The following NCAM1 variants were observed in gnomAD, a reference collection of about 807,000 sequenced individuals.
The protein encoded by NCAM1 is neural cell adhesion molecule 1.
In NCAM1, 14 loss-of-function variants were observed where a neutral mutation model predicts 109.8. The ratio of observed to expected loss-of-function variants is 0.13; its 90% CI spans 0.08 to 0.20. The LOEUF is 0.20. Ranked by LOEUF, NCAM1 falls within the 10% of genes least tolerant of loss-of-function variation. The pLI is 1.00. For synonymous variants in NCAM1, 418 were observed against 442.9 expected, an observed-to-expected ratio of 0.94 and a Z score of 0.70; for missense variants, 774 against 1,109.9, an observed-to-expected ratio of 0.70 and a Z score of 4.30.
chr11:113,005,904 CCCCT>C (rs1951884020), intron 1 of NCAM1, among the ~76,000 whole-genome samples: 1 of 151,836 alleles, frequency 6.6e-6, no homozygotes, highest in African/African-American at 2.4e-5. Flanking sequence ...GATTTTTTTT[CCCCT>C]TGAAACTGTT....
intron 1 of NCAM1, among the ~76,000 whole-genome samples, chr11:113,117,913 G>A (rs1245081): frequency 0.035 from 5,254 of 151,974 alleles, 182 homozygotes; most frequent in East Asian, 0.085. Context: ...TTACAAACTG[G>A]CATCTCAGGC....
chr11:113,180,230 G>A (rs1555107738), intron 1 of NCAM1, among the ~76,000 whole-genome samples: 1 of 152,222 alleles, frequency 6.6e-6, no homozygotes, highest in African/African-American at 2.4e-5. Context: ...AGGTTGCAGA[G>A]AACAGTGAGA....
At chr11:113,262,190 C>T (rs1555123508) in intron 17 of NCAM1, among the ~76,000 whole-genome samples, 2 of 152,126 alleles carry the variant, frequency 1.3e-5, no homozygotes, top group Non-Finnish European at 2.9e-5. Context: ...GAAGGTGAAG[C>T]GGGGTACAGA....
At chr11:113,036,667 C>A (rs1282958298) in intron 1 of NCAM1, among the ~76,000 whole-genome samples, 1 of 152,100 alleles carries the variant, frequency 6.6e-6, no homozygotes, top group Non-Finnish European at 1.5e-5. Flanking sequence ...CCTTCTGGAA[C>A]CCTCTTTCCT....
At chr11:113,124,437 T>G (rs924978172) in intron 1 of NCAM1, among the ~76,000 whole-genome samples, 12 of 152,196 alleles carry the variant, frequency 7.9e-5, no homozygotes, top group Non-Finnish European at 1.3e-4. Flanking sequence ...GAAACAGATC[T>G]CCACCTCTCT....
At chr11:113,050,635 C>T (rs1270437075) in intron 1 of NCAM1, among the ~76,000 whole-genome samples, 1 of 143,656 alleles carries the variant, frequency 7.0e-6, no homozygotes, top group African/African-American at 2.6e-5. Flanking sequence ...AAAAAAAATA[C>T]ACAAAATTCA....
intron 1 of NCAM1, among the ~76,000 whole-genome samples, chr11:113,106,391 C>T (rs1354346049): frequency 6.6e-6 from 1 of 152,168 alleles, no homozygotes; most frequent in Non-Finnish European, 1.5e-5. Flanking sequence ...TCTGGGGAGT[C>T]TAACAGTTGA....
chr11:113,214,775 G>T (rs912604221), intron 8 of NCAM1, among the ~76,000 whole-genome samples: 8 of 152,168 alleles, frequency 5.3e-5, no homozygotes, highest in Admixed American at 3.3e-4. Flanking sequence ...TGGGGAGGAG[G>T]CAATGGTGAT....
intron 1 of NCAM1, among the ~76,000 whole-genome samples, chr11:112,976,102 C>G (rs1349443118): frequency 6.6e-6 from 1 of 151,722 alleles, no homozygotes; most frequent in Non-Finnish European, 1.5e-5. Flanking sequence ...ACAAACAAAC[C>G]CCAGTTAAAG....
chr11:113,191,991 T>C (rs980604767), intron 1 of NCAM1, among the ~76,000 whole-genome samples: 3 of 152,226 alleles, frequency 2.0e-5, no homozygotes, highest in Non-Finnish European at 4.4e-5. Flanking sequence ...ATTCTCTGAA[T>C]TTCTATTTTC....
chr11:113,199,584 T>G (rs1943969777), intron 1 of NCAM1, among the ~76,000 whole-genome samples: 1 of 134,086 alleles, frequency 7.5e-6, no homozygotes, highest in Admixed American at 8.2e-5. Context: ...ACTCTTCCTT[T>G]AAAAACTTCT....
intron 1 of NCAM1, among the ~76,000 whole-genome samples, chr11:113,042,590 A>G (rs1170625283): frequency 6.6e-6 from 1 of 152,186 alleles, no homozygotes; most frequent in African/African-American, 2.4e-5. Flanking sequence ...TCTGCACTGC[A>G]GCCCACACTT....
intron 9 of NCAM1, among the ~76,000 whole-genome samples, chr11:113,227,849 C>A (rs569264759): frequency 2.0e-5 from 3 of 152,100 alleles, no homozygotes; most frequent in East Asian, 1.9e-4. Context: ...ATTATCTCAA[C>A]AGATGCAGAA....
At chr11:113,106,750 T>G (rs1940189389) in intron 1 of NCAM1, among the ~76,000 whole-genome samples, 1 of 152,202 alleles carries the variant, frequency 6.6e-6, no homozygotes, top group African/African-American at 2.4e-5. Context: ...CAGGAGAAAT[T>G]ATTCAGAAGA....
intron 1 of NCAM1, chr11:113,133,513 GA>G (rs1941488091): frequency 6.6e-6 from 1 of 152,194 alleles, no homozygotes; most frequent in Non-Finnish European, 1.5e-5. Context: ...TGCAAAAGGA[GA>G]TGCATTTTAA....
At chr11:113,239,611 T>C (rs1371794790) in intron 14 of NCAM1, among the ~76,000 whole-genome samples, 1 of 146,616 alleles carries the variant, frequency 6.8e-6, no homozygotes, top group African/African-American at 2.5e-5. Context: ...GTTCACGCCA[T>C]ACTCCTGAGT....
chr11:113,277,093 A>AGAT lies in NCAM1; in HGVS notation c.*1724_*1726dup, dbSNP rs527451873. On this transcript the variant is annotated 3_prime_UTR_variant, in exon 20 of 20. Transcript: ENST00000316851. ...CCTTTTAACAAAGAAAATGAAATAC[A>AGAT]GATGATGATGATGATGATGAAGATG... 5.0e-3 allele frequency: 1,886 copies of AGAT among 374,162 alleles called. 8 individuals carry two copies. Among genetic ancestry groups the AGAT allele is most frequent in the Middle Eastern group, 0.017 (25 of 1,458 alleles). The allele number at this position is 374,162 out of a possible 1,614,324, so 23.2% of individuals were successfully genotyped here.
In NCAM1 at chr11:113,237,731, C is replaced by A. The variant is rs1228408841; in HGVS notation, c.1825+2567C>A. On this transcript the variant is annotated intron_variant, in intron 14 of 19. Coordinates refer to ENST00000316851, the MANE Select transcript of NCAM1 (RefSeq NM_181351.5). ...TAAAGAGAGGAAGGCTGGGATGAGG[C>A]CCCCCTCTGAGTTTCTAACCAGTAA... 3.3e-5 allele frequency among the ~76,000 whole-genome samples: 5 copies of A among 152,068 alleles called. No individual in the cohort carries two copies. The East Asian group carries it at 9.6e-4, about 29-fold the overall frequency.
chr11:113,109,070 G>A (rs886368352), intron 1 of NCAM1, among the ~76,000 whole-genome samples: 8 of 151,026 alleles, frequency 5.3e-5, no homozygotes, highest in Non-Finnish European at 7.4e-5. Flanking sequence ...TGAGGAGGCC[G>A]GGTGCGGTGG....
Sources: allele counts gnomAD v4.1 joint callset (sites outside exome capture counted in the v4.1 genomes callset), GRCh38; gene constraint gnomAD v4.1.1; transcripts MANE v1.5; gene names NCBI Gene and HGNC (gene_info 2026-07-23, HGNC 2026-07-21).